Variants in CNTNAP2 observed in about 807,000 individuals in gnomAD.
The protein encoded by CNTNAP2 is contactin associated protein 2.
A neutral mutation model predicts 155.2 loss-of-function variants in CNTNAP2; 98 were observed. The observed-to-expected ratio is 0.63, with a 90% CI of 0.54 to 0.75. The LOEUF is 0.75. CNTNAP2 is among the 30% of genes least tolerant of loss of function. The probability of loss-of-function intolerance (pLI) is 0.00; values close to 1 mark genes in which losing one functional copy is unlikely to be tolerated. For synonymous variants in CNTNAP2, 651 were observed against 631.2 expected (o/e 1.03, Z -0.47); for missense variants, 1,727 against 1,688.1 (o/e 1.02, Z -0.40).
chr7:148,150,364 C>T (rs2906307), intron 17 of CNTNAP2, among the ~76,000 whole-genome samples: 31 of 152,142 alleles, frequency 2.0e-4, no homozygotes, highest in African/African-American at 7.0e-4. Flanking sequence ...CTGGCTAACA[C>T]GGTGAAACCC....
rs989458000 is a variant in CNTNAP2, at chr7:146,940,581, A to T, written c.402+100677A>T. ...CTGTGTGTATGTATTACCATATTAC[A>T]CATGCAGTGATAAGAAGCCATTCTC... On this transcript the variant is annotated intron_variant, in intron 3 of 23. Transcript: ENST00000361727. 2.0e-5 allele frequency among the ~76,000 whole-genome samples: 3 copies of T among 152,080 alleles called. No individual in the cohort carries two copies. The East Asian group carries it at 5.8e-4, about 29-fold the overall frequency.
At chr7:147,572,907 A>G (rs1800322537) in intron 12 of CNTNAP2, among the ~76,000 whole-genome samples, 2 of 152,080 alleles carry the variant, frequency 1.3e-5, no homozygotes, top group Non-Finnish European at 2.9e-5. Context: ...TTTGTGGATC[A>G]CCTTTTATTT....
intron 3 of CNTNAP2, among the ~76,000 whole-genome samples, chr7:146,885,276 A>G (rs1389665163): frequency 1.3e-5 from 2 of 152,196 alleles, no homozygotes; most frequent in Non-Finnish European, 2.9e-5. Flanking sequence ...GCTTACATCA[A>G]ATAAATCTTT....
chr7:146,782,365 C>T (rs914896785), intron 2 of CNTNAP2: 3 of 152,108 alleles, frequency 2.0e-5, no homozygotes, highest in Non-Finnish European at 2.9e-5. Context: ...TTTGGCTGGT[C>T]ATACTTCTTC....
chr7:147,481,330 CA>C (rs2116628471), intron 10 of CNTNAP2, among the ~76,000 whole-genome samples: 1 of 152,314 alleles, frequency 6.6e-6, no homozygotes, highest in South Asian at 2.1e-4. Flanking sequence ...TAAGCTACTA[CA>C]AACAAACAAA....
chr7:147,045,911 G>A (rs965926740), intron 4 of CNTNAP2, among the ~76,000 whole-genome samples: 6 of 151,758 alleles, frequency 4.0e-5, no homozygotes, highest in East Asian at 1.9e-4. Flanking sequence ...TGGAGACTAC[G>A]TGTATGTGCA....
rs557557782 is a variant in CNTNAP2 at position 146,350,047 on chromosome 7, A to T, written c.97+233074A>T. On this transcript the variant is annotated intron_variant, in intron 1 of 23. Transcript: ENST00000361727. ...CTAGATTGGGGAAGTTCTTCTGGATAATATCCTGCAGAGTGTTTTCCAACT... is the reference window on the plus strand; with the variant it reads ...CTAGATTGGGGAAGTTCTTCTGGATTATATCCTGCAGAGTGTTTTCCAACT... Among the ~76,000 whole-genome samples, 8 of 152,284 alleles carry T rather than the reference A, an allele frequency of 5.3e-5. 1 individual carries two copies. The South Asian group carries it at 1.7e-3, about 32-fold the overall frequency.
chr7:146,674,571 C>G (rs909059660), intron 1 of CNTNAP2, among the ~76,000 whole-genome samples: 1 of 151,904 alleles, frequency 6.6e-6, no homozygotes, highest in African/African-American at 2.4e-5. Context: ...GTGAATTATA[C>G]TGACAAAAGA....
At chr7:147,374,029 A>G (rs1279622746) in intron 9 of CNTNAP2, among the ~76,000 whole-genome samples, 1 of 152,050 alleles carries the variant, frequency 6.6e-6, no homozygotes, top group African/African-American at 2.4e-5. Context: ...ATGGGAGTTT[A>G]GTCTAAAGAA....
At chr7:147,302,945 T>C (rs1008013872) in intron 9 of CNTNAP2, among the ~76,000 whole-genome samples, 5 of 152,348 alleles carry the variant, frequency 3.3e-5, no homozygotes, top group African/African-American at 1.2e-4. Flanking sequence ...CCCAGCTCTC[T>C]AACTTGCTGC....
chr7:147,432,276 G>A (rs1193743868), intron 10 of CNTNAP2, among the ~76,000 whole-genome samples: 1 of 152,098 alleles, frequency 6.6e-6, no homozygotes, highest in Non-Finnish European at 1.5e-5. Context: ...ACCCCCTCCA[G>A]TTGTGACAAG....
intron 12 of CNTNAP2, among the ~76,000 whole-genome samples, chr7:147,600,757 C>G (rs936421554): frequency 1.3e-5 from 2 of 152,016 alleles, no homozygotes; most frequent in Non-Finnish European, 2.9e-5. Context: ...TTTGACCTTC[C>G]CTTTCCTTTT....
intron 1 of CNTNAP2, among the ~76,000 whole-genome samples, chr7:146,662,937 C>T (rs954130476): frequency 2.6e-5 from 4 of 151,984 alleles, no homozygotes; most frequent in Non-Finnish European, 4.4e-5. Context: ...ATATTTATGT[C>T]CTTTTGCAAA....
chr7:146,650,594 G>A (rs1799893985), intron 1 of CNTNAP2, among the ~76,000 whole-genome samples: 1 of 152,028 alleles, frequency 6.6e-6, no homozygotes, highest in South Asian at 2.1e-4. Flanking sequence ...TAATGTAGAT[G>A]ACGAGTTGAT....
chr7:146,976,862 C>T (rs1424776475), intron 3 of CNTNAP2, among the ~76,000 whole-genome samples: 1 of 152,146 alleles, frequency 6.6e-6, no homozygotes, highest in Non-Finnish European at 1.5e-5. Context: ...GTGCAGTATT[C>T]TTCTCTCCCA....
At chr7:146,918,218 A>G (rs1021277817) in intron 3 of CNTNAP2, among the ~76,000 whole-genome samples, 4 of 152,012 alleles carry the variant, frequency 2.6e-5, no homozygotes, top group African/African-American at 4.8e-5. Flanking sequence ...TTTATTCATC[A>G]TGTTATTTGT....
At chr7:147,137,234 A>G (rs1295952247) in intron 8 of CNTNAP2, among the ~76,000 whole-genome samples, 1 of 151,276 alleles carries the variant, frequency 6.6e-6, no homozygotes, top group African/African-American at 2.4e-5. Flanking sequence ...CACATTTCTT[A>G]TATAAAATTT....
At chr7:147,239,919 C>G (rs928977438) in intron 8 of CNTNAP2, among the ~76,000 whole-genome samples, 3 of 151,990 alleles carry the variant, frequency 2.0e-5, no homozygotes, top group Non-Finnish European at 4.4e-5. Flanking sequence ...TTTTTTATTT[C>G]AAAGTTTTTG....
intron 13 of CNTNAP2, among the ~76,000 whole-genome samples, chr7:147,706,475 G>A (rs140601259): frequency 1.0e-3 from 153 of 151,974 alleles, no homozygotes; most frequent in Middle Eastern, 3.4e-3. Flanking sequence ...GGCTTGAAAG[G>A]TTTCTGCTGA....
Sources: gnomAD v4.1 joint callset for allele counts (sites outside exome capture counted in the v4.1 genomes callset) on GRCh38, gnomAD v4.1.1 for gene constraint, MANE v1.5 for transcripts, NCBI Gene and HGNC (gene_info 2026-07-23, HGNC 2026-07-21) for gene names.